Variants in BYSL observed in about 807,000 individuals in gnomAD.
The protein encoded by BYSL is bystin.
In BYSL, 21 loss-of-function variants were observed where a neutral mutation model predicts 45.4. The observed-to-expected ratio is 0.46, with a 90% CI of 0.33 to 0.67. BYSL has a LOEUF of 0.67. Ranked by LOEUF, BYSL falls within the 30% of genes least tolerant of loss-of-function variation. The pLI, the probability that BYSL is intolerant of heterozygous loss-of-function variation, is 0.02. For missense variants in BYSL, 522 were observed against 578.5 expected (o/e 0.90, Z 1.00); for synonymous variants, 215 against 231.3 (o/e 0.93, Z 0.64).
upstream of BYSL, chr6:41,920,929 C>T (rs140553051): frequency 1.0e-5 from 16 of 1,547,850 alleles, no homozygotes; most frequent in Non-Finnish European, 1.4e-5. Flanking sequence ...CAGAGGACGG[C>T]GGACCATGGT....
chr6:41,909,917 T>C, the BYSL span, among the ~76,000 whole-genome samples: 1 of 152,216 alleles, frequency 6.6e-6, no homozygotes, highest in African/African-American at 2.4e-5. Flanking sequence ...AGTAACAGCA[T>C]TTGGGCATGC....
At chr6:41,910,374 G>C in the BYSL span, among the ~76,000 whole-genome samples, 1 of 152,186 alleles carries the variant, frequency 6.6e-6, no homozygotes, top group Non-Finnish European at 1.5e-5. Flanking sequence ...GCTCCCACCC[G>C]TAATCCCAAC....
chr6:41,931,995 G>A (rs116014261), intron 6 of BYSL, among the ~76,000 whole-genome samples, 165 bp downstream of exon 6: 2,492 of 152,262 alleles, frequency 0.016, 65 homozygotes, highest in African/African-American at 0.055. Flanking sequence ...AATGTAAGTT[G>A]TGCAACAACA....
chr6:41,931,891 G>C (rs16895095), intron 6 of BYSL, 61 bp downstream of exon 6: 37 of 1,507,892 alleles, frequency 2.5e-5, no homozygotes, highest in Non-Finnish European at 3.4e-5. Flanking sequence ...GGAATTGCCA[G>C]GACTTGGGAA....
At position 41,932,682 on chromosome 6, in the gene BYSL, A is replaced by G. The variant is rs746318121; in HGVS notation, c.1290A>G (p.Glu430=). The G allele has an allele frequency of 1.2e-6, 2 of 1,612,254 alleles. No homozygotes were observed. The highest frequency in any genetic ancestry group is 1.7e-6 in the Non-Finnish European group (2 of 1,178,460). The part of the protein sequence containing the change: ...ELQSAVPRDV[E]DVPITVE ...AGAGTGCAGTCCCCCGCGATGTGGA[A>G]GATGTTCCCATCACCGTGGAGTGAG... The change falls in exon 7 of 7, where the codon GAA becomes GAG. Residue 430 remains glutamate, a synonymous_variant. Coordinates refer to ENST00000230340, the MANE Select transcript of BYSL (RefSeq NM_004053.4). This position sits in a 1 kb window ranked among gnomAD's most constrained non-coding sequence, Gnocchi z 4.7.
At chr6:41,921,353 G>T, upstream of BYSL, 1 of 650,538 alleles carries the variant, frequency 1.5e-6, no homozygotes, top group Non-Finnish European at 2.6e-6. Flanking sequence ...TAACGTTAAA[G>T]GCAGTGAATA....
the BYSL span, among the ~76,000 whole-genome samples, chr6:41,915,665 T>C: frequency 5.9e-5 from 9 of 152,152 alleles, no homozygotes; most frequent in East Asian, 1.7e-3. Flanking sequence ...CAGGTGCCTG[T>C]AGTCCCAGCT....
At chr6:41,931,104 C>A (rs905408423) in intron 4 of BYSL, among the ~76,000 whole-genome samples, 1 of 81,660 alleles carries the variant, frequency 1.2e-5, no homozygotes, top group African/African-American at 5.7e-5. Flanking sequence ...TGTGACTGCC[C>A]AGGCATGCTC....
In BYSL at chr6:41,932,822, G is replaced by C; in HGVS notation, c.*116G>C. On this transcript the variant is annotated 3_prime_UTR_variant, in exon 7 of 7. Transcript: ENST00000230340. The surrounding 1 kb of genome is among the most constrained non-coding windows in gnomAD (Gnocchi z 4.7). ...GAAGACCCAGATCAGGGCAGTGACAGATCACAGGGACATCTGTGGCTCCCA... is the reference window on the plus strand; with the variant it reads ...GAAGACCCAGATCAGGGCAGTGACACATCACAGGGACATCTGTGGCTCCCA... 9.1e-7 allele frequency: 1 copy of C among 1,096,730 alleles called. No homozygotes were observed. Among genetic ancestry groups the C allele is most frequent in the Non-Finnish European group, 1.3e-6 (1 of 780,802 alleles). 67.9% of individuals were successfully genotyped at this position (1,096,730 alleles called of 1,614,324 possible).
Position 41,930,848 on chromosome 6 carries a change from G to C in BYSL, c.704+80G>C, listed in dbSNP as rs1561945345. On this transcript the variant is annotated intron_variant, in intron 4 of 6. Transcript: ENST00000230340. ...GGACGGACAGGCTTTCCTTGCCTCT[G>C]GCCCCAGGGCATTTGAGCTTTGCCC... 3.3e-6 allele frequency: 5 copies of C among 1,504,490 alleles called. No homozygotes were observed. In the East Asian group the frequency reaches 9.5e-5, roughly 29 times the overall value. The allele number at this position is 1,504,490 out of a possible 1,614,324, so 93.2% of individuals were successfully genotyped here. A position where few individuals can be genotyped will look rare whatever the true frequency, so the allele number is the denominator to read the frequency against.
chr6:41,920,922 A>G, upstream of BYSL: 1 of 1,540,352 alleles, frequency 6.5e-7, no homozygotes, highest in Non-Finnish European at 8.8e-7. Context: ...CAGCTCCCAG[A>G]GGACGGCGGA....
intron 1 of BYSL, among the ~76,000 whole-genome samples, chr6:41,924,513 CTT>C (rs1775537135): frequency 6.6e-6 from 1 of 152,202 alleles, no homozygotes; most frequent in Admixed American, 6.5e-5. Flanking sequence ...AGAACAAAGT[CTT>C]TTGGTTTCGG....
chr6:41,930,431 C>T, intron 3 of BYSL, 161 bp downstream of exon 3: 1 of 1,233,350 alleles, frequency 8.1e-7, no homozygotes, highest in Non-Finnish European at 1.1e-6. Context: ...TCCTGCTCTG[C>T]CTGTAAATGA....
upstream of BYSL, among the ~76,000 whole-genome samples, chr6:41,916,583 A>AAAAAT (rs568070282): frequency 0.01 from 1,547 of 152,258 alleles, 24 homozygotes; most frequent in African/African-American, 0.033. Context: ...TCCATCTCAA[A>AAAAAT]AAAATAAAAT....
chr6:41,916,193 G>A, the BYSL span, among the ~76,000 whole-genome samples: 1 of 151,976 alleles, frequency 6.6e-6, no homozygotes, highest in South Asian at 2.1e-4. Context: ...GCTGCAGTCA[G>A]TGAGCTGTGA....
rs995991320 is a variant in BYSL at position 41,931,916 on chromosome 6, A to G, written c.968+86A>G. On this transcript the variant is annotated intron_variant, in intron 6 of 6. Coordinates refer to ENST00000230340, the MANE Select transcript of BYSL (RefSeq NM_004053.4). ...GGACTTGGGAATGGGCAGAGTGGAGAAGGAGCTAAGGAAAGCCTTGGGTTT... is the reference window on the plus strand; with the variant it reads ...GGACTTGGGAATGGGCAGAGTGGAGGAGGAGCTAAGGAAAGCCTTGGGTTT... 2.7e-5 allele frequency: 35 copies of G among 1,282,054 alleles called. No individual in the cohort carries two copies. In the Admixed American group the frequency reaches 6.0e-4, roughly 22 times the overall value. 79.4% of individuals were successfully genotyped at this position (1,282,054 alleles called of 1,614,324 possible). A position where few individuals can be genotyped will look rare whatever the true frequency, so the allele number is the denominator to read the frequency against.
intron 5 of BYSL, 50 bp downstream of exon 5, chr6:41,931,606 G>T: frequency 6.2e-7 from 1 of 1,613,230 alleles, no homozygotes. Flanking sequence ...GCTTCTATGG[G>T]GAACACAGCA....
In BYSL at chr6:41,932,909, C is replaced by G. The variant is rs1775661546; in HGVS notation, c.*203C>G. On this transcript the variant is annotated 3_prime_UTR_variant, in exon 7 of 7. Transcript: ENST00000230340. The surrounding 1 kb of genome is among the most constrained non-coding windows in gnomAD (Gnocchi z 4.7). ...CCTCTTCCATTCTAGGCCCTTATCC[C>G]TGTTTAGTTCTGAGAGCCAACTTGA... 1.2e-5 allele frequency: 7 copies of G among 597,594 alleles called. No homozygotes were observed. The highest frequency in any genetic ancestry group is 2.9e-6 in the Non-Finnish European group (1 of 347,658). The allele number at this position is 597,594 out of a possible 1,614,324, so 37.0% of individuals were successfully genotyped here. A position where few individuals can be genotyped will look rare whatever the true frequency, so the allele number is the denominator to read the frequency against.
chr6:41,924,309 G>A (rs1270871198), intron 1 of BYSL, among the ~76,000 whole-genome samples: 1 of 151,606 alleles, frequency 6.6e-6, no homozygotes, highest in African/African-American at 2.4e-5. Context: ...GACCTCAGGT[G>A]ATCCACCCGC....
Sources: allele counts gnomAD v4.1 joint callset (sites outside exome capture counted in the v4.1 genomes callset), GRCh38; gene constraint gnomAD v4.1.1; non-coding constraint Gnocchi (gnomAD v3.1); transcripts MANE v1.5; gene names NCBI Gene and HGNC (gene_info 2026-07-23, HGNC 2026-07-21).